Variants in PLK5 observed in about 807,000 individuals in gnomAD.
PLK5 encodes the protein polo like kinase 5 (inactive).
In PLK5, 28 loss-of-function variants were observed where a neutral mutation model predicts 33.7. The ratio of observed to expected loss-of-function variants is 0.83; its 90% CI spans 0.62 to 1.14. The LOEUF (loss-of-function observed/expected upper bound fraction) is 1.14, where lower values mean the gene tolerates loss of function less well. Ranked by LOEUF, PLK5 falls within the 50% of genes most tolerant of loss-of-function variation. The pLI, the probability that PLK5 is intolerant of heterozygous loss-of-function variation, is 0.00. For synonymous variants in PLK5, 225 were observed against 202.2 expected, an observed-to-expected ratio of 1.11 and a Z score of -0.96; for missense variants, 492 against 461.5, an observed-to-expected ratio of 1.07 and a Z score of -0.61.
At position 1,529,842 on chromosome 19, in the gene PLK5, C is replaced by T; in HGVS notation, c.568+18C>T. 6.5e-7 allele frequency: 1 copy of T among 1,533,800 alleles called. No individual in the cohort carries two copies. The highest frequency in any genetic ancestry group is 2.4e-5 in the East Asian group (1 of 40,914). On this transcript the variant is annotated intron_variant, in intron 11 of 13. Coordinates refer to ENST00000454744, the MANE Select transcript of PLK5 (RefSeq NM_001243079.2). ...CCCCCCGGGTAGGAGCCGGCCCAGC[C>T]CCCAGGATCACCTTTACTCTTACTA...
At chr19:1,534,999 G>A (rs1204530891) in intron 13 of PLK5, 66 bp from the exon 14 acceptor site, 4 of 1,369,448 alleles carry the variant, frequency 2.9e-6, no homozygotes, top group East Asian at 5.3e-5. Context: ...TCCTTCTGGA[G>A]CGCCACGGCT....
rs796607459 is a variant in PLK5, at chr19:1,530,381, C to T, written c.568+557C>T. ...GTGCCATCTTGGCTCATCACAACCT[C>T]CACCTCCTGGGTTCAAAGCGATTCT... is the stretch of plus-strand genomic sequence containing the variant. On this transcript the variant is annotated intron_variant, in intron 11 of 13. Transcript: ENST00000454744. Among the ~76,000 whole-genome samples the T allele has an allele frequency of 3.9e-5, 6 of 152,232 alleles. No homozygotes were observed. In the South Asian group the frequency reaches 1.2e-3, roughly 32 times the overall value.
Position 1,535,144 on chromosome 19 carries a change from G to A in PLK5, c.905G>A (p.Gly302Glu), listed in dbSNP as rs1177742018. The change falls in exon 14 of 14, where the codon GGG (glycine) becomes GAG (glutamate). Residue 302 changes from glycine (G) to glutamate (E), a missense_variant. Transcript: ENST00000454744. ...TTGCAGCTCACCCTCTGGGAGCAGGGGTCCCCTGGCACCTCCTACTCCCTG... is the reference window on the plus strand; with the variant it reads ...TTGCAGCTCACCCTCTGGGAGCAGGAGTCCCCTGGCACCTCCTACTCCCTG... ...EGLQLTLWEQGSPGTSYSLDV... is the reference protein window; with the variant it reads ...EGLQLTLWEQESPGTSYSLDV... 3 of 1,535,860 alleles carry A rather than the reference G, an allele frequency of 2.0e-6. No individual in the cohort carries two copies. The highest frequency in any genetic ancestry group is 2.4e-5 in the East Asian group (1 of 40,900).
At chr19:1,533,821 C>T (rs1160223906) in intron 12 of PLK5, 110 bp from the exon 13 acceptor site, 15 of 805,564 alleles carry the variant, frequency 1.9e-5, no homozygotes, top group South Asian at 1.6e-4. Flanking sequence ...AGCTCTTTGC[C>T]GGCTGCCTGC....
At position 1,525,304 on chromosome 19, in the gene PLK5, G is replaced by A. The variant is rs912321974; in HGVS notation, c.-543-1G>A. On this transcript the variant is annotated splice_acceptor_variant, in intron 1 of 13. Transcript: ENST00000454744. LOFTEE classifies it low-confidence loss of function (5UTR_SPLICE). ...ACTGATCTGCTGACCCCTCCCCACA[G>A]GGCGCCTTCAGCCGCTGCTACAAGC... 6.5e-6 allele frequency: 1 copy of A among 152,776 alleles called. No homozygotes were observed. The highest frequency in any genetic ancestry group is 2.4e-5 in the African/African-American group (1 of 41,456). The allele number at this position is 152,776 out of a possible 1,614,324, so 9.5% of individuals were successfully genotyped here.
chr19:1,531,017 G>A (rs889821365), intron 11 of PLK5, among the ~76,000 whole-genome samples: 4 of 151,594 alleles, frequency 2.6e-5, no homozygotes, highest in African/African-American at 7.3e-5. Flanking sequence ...ACTTGAGCTC[G>A]GAGGTGGAGG....
chr19:1,524,743 TTGTG>T lies in PLK5; in HGVS notation c.-544+501_-544+504del, dbSNP rs1400999136. On this transcript the variant is annotated intron_variant, in intron 1 of 13. Transcript: ENST00000454744. The surrounding 1 kb of genome is among the most constrained non-coding windows in gnomAD (Gnocchi z 4.5). ...GTGTTCATGTGGTGTGCTTGTGTGT[TTGTG>T]TGTTCATATGTGGTGTGTCTAGGAG... is the stretch of plus-strand genomic sequence containing the variant. 6.6e-6 allele frequency among the ~76,000 whole-genome samples: 1 copy of T among 150,762 alleles called. No homozygotes were observed. Among genetic ancestry groups the T allele is most frequent in the Non-Finnish European group, 1.5e-5 (1 of 67,720 alleles).
rs1913666737 is a variant in PLK5, at chr19:1,524,199, G to C, written c.-591G>C. 1 of 150,656 alleles carries C rather than the reference G, an allele frequency of 6.6e-6. No individual in the cohort carries two copies. Among genetic ancestry groups the C allele is most frequent in the Non-Finnish European group, 1.5e-5 (1 of 67,442 alleles). 9.3% of individuals were successfully genotyped at this position (150,656 alleles called of 1,614,324 possible). The stretch of plus-strand genomic sequence containing the variant: ...CCCCCTGGTCGCCGCCTTCCTGCGA[G>C]ACCCGGGCTCGGGCCGCGTGTACAG... On this transcript the variant is annotated 5_prime_UTR_variant, in exon 1 of 14. Coordinates refer to ENST00000454744, the MANE Select transcript of PLK5 (RefSeq NM_001243079.2). This position sits in a 1 kb window ranked among gnomAD's most constrained non-coding sequence, Gnocchi z 4.5.
At chr19:1,534,106 T>G in intron 13 of PLK5, 65 bp downstream of exon 13, 1 of 1,288,256 alleles carries the variant, frequency 7.8e-7, no homozygotes, top group South Asian at 1.3e-5. Context: ...CTGCCTGGGC[T>G]GTTACGGAGC....
At position 1,529,751 on chromosome 19, in the gene PLK5, C is replaced by G; in HGVS notation, c.495C>G (p.Pro165=). The change falls in exon 11 of 14, where the codon CCC becomes CCG. Residue 165 remains proline (P), a synonymous_variant. Coordinates refer to ENST00000454744, the MANE Select transcript of PLK5 (RefSeq NM_001243079.2). ...QGTLQSDLAG[P]EGSRRPEVEA... is the part of the protein sequence containing the mutation. ...CACAAAGACCTGTCTTCCCAGGGCC[C>G]GAGGGGAGCCGGCGGCCAGAGGTGG... The G allele has an allele frequency of 1.3e-6, 2 of 1,536,000 alleles. No individual in the cohort carries two copies. The highest frequency in any genetic ancestry group is 1.7e-6 in the Non-Finnish European group (2 of 1,146,840).
rs1335768796 is a variant in PLK5, at chr19:1,524,175, C to T, written c.-615C>T. ...GCCGCGGCGGCGGCGCAGGAGTCGC[C>T]CCCTGGTCGCCGCCTTCCTGCGAGA... On this transcript the variant is annotated 5_prime_UTR_variant, in exon 1 of 14. Transcript: ENST00000454744. The surrounding 1 kb of genome is among the most constrained non-coding windows in gnomAD (Gnocchi z 4.5). 7 of 150,628 alleles carry T rather than the reference C, an allele frequency of 4.6e-5. No individual in the cohort carries two copies. The highest frequency in any genetic ancestry group is 1.0e-4 in the Non-Finnish European group (7 of 67,416). The allele number at this position is 150,628 out of a possible 1,614,324, so 9.3% of individuals were successfully genotyped here.
chr19:1,532,355 A>G (rs969509021), intron 12 of PLK5, among the ~76,000 whole-genome samples: 1 of 152,070 alleles, frequency 6.6e-6, no homozygotes, highest in Admixed American at 6.6e-5. Flanking sequence ...CCTTGGCCTC[A>G]TAGCAAGACC....
intron 13 of PLK5, 115 bp downstream of exon 13, chr19:1,534,156 A>T: frequency 1.2e-5 from 1 of 80,066 alleles, no homozygotes; most frequent in Admixed American, 2.6e-4. Flanking sequence ...GCCTCCCAGG[A>T]AAAAAAAAAA....
rs1234823906 is a variant in PLK5 at position 1,529,494 on chromosome 19, A to G, written c.490+4A>G. The stretch of plus-strand genomic sequence containing the variant: ...ACCCTGCAGAGTGACCTGGCCGGTG[A>G]GCAGATCCCCGTCCCAGCCCGGGGC... On this transcript the variant is annotated splice_donor_region_variant and intron_variant, in intron 10 of 13. Transcript: ENST00000454744. 12 of 1,535,016 alleles carry G rather than the reference A, an allele frequency of 7.8e-6. No individual in the cohort carries two copies. Among genetic ancestry groups the G allele is most frequent in the Non-Finnish European group, 9.6e-6 (11 of 1,146,124 alleles).
chr19:1,532,634 T>C (rs1475096913), intron 12 of PLK5, among the ~76,000 whole-genome samples: 1 of 151,090 alleles, frequency 6.6e-6, no homozygotes, highest in Non-Finnish European at 1.5e-5. Context: ...ACCATTCTCC[T>C]GCCTCAGCCT....
Position 1,524,469 on chromosome 19 carries a change from G to A in PLK5, c.-544+223G>A, listed in dbSNP as rs1251040885. ...CGTGTCCGTGGGTTGCGTGTCCGGG[G>A]TGTGGGCGTGCGGCTCGGCCTCGGG... On this transcript the variant is annotated intron_variant, in intron 1 of 13. Coordinates refer to ENST00000454744, the MANE Select transcript of PLK5 (RefSeq NM_001243079.2). This position sits in a 1 kb window ranked among gnomAD's most constrained non-coding sequence, Gnocchi z 4.5. Among the ~76,000 whole-genome samples, 3 of 150,968 alleles carry A rather than the reference G, an allele frequency of 2.0e-5. No individual in the cohort carries two copies. Among genetic ancestry groups the A allele is most frequent in the Non-Finnish European group, 3.0e-5 (2 of 67,202 alleles).
Position 1,528,441 on chromosome 19 carries a change from C to T in PLK5, c.328+13C>T, listed in dbSNP as rs760968808. 1 of 1,526,664 alleles carries T rather than the reference C, an allele frequency of 6.6e-7. No individual in the cohort carries two copies. Among genetic ancestry groups the T allele is most frequent in the South Asian group, 1.2e-5 (1 of 83,026 alleles). 94.6% of individuals were successfully genotyped at this position (1,526,664 alleles called of 1,614,324 possible). ...TGCCGGCCACCCTGTAAGTACCACCCCCGCCCACACCTGCCCAACACCTGC... is the reference window on the plus strand; with the variant it reads ...TGCCGGCCACCCTGTAAGTACCACCTCCGCCCACACCTGCCCAACACCTGC... On this transcript the variant is annotated intron_variant, in intron 8 of 13. Coordinates refer to ENST00000454744, the MANE Select transcript of PLK5 (RefSeq NM_001243079.2).
At chr19:1,528,198 C>T in intron 7 of PLK5, 64 bp downstream of exon 7, 1 of 1,512,238 alleles carries the variant, frequency 6.6e-7, no homozygotes, top group South Asian at 1.2e-5. Context: ...TGAGCCAGAG[C>T]CTGCCCTGCT....
rs1245221284 is a variant in PLK5 at position 1,528,030 on chromosome 19, C to T, written c.97C>T (p.His33Tyr). 3.3e-6 allele frequency: 5 copies of T among 1,536,158 alleles called. No homozygotes were observed. Among genetic ancestry groups the T allele is most frequent in the East Asian group, 2.4e-5 (1 of 40,926 alleles). Reference protein sequence around the residue: ...IREGHYPEPAHLSANARRLIV... With the variant: ...IREGHYPEPAYLSANARRLIV... The stretch of plus-strand genomic sequence containing the variant: ...TGAGGGCCACTACCCCGAACCCGCT[C>T]ACCTGTCTGCCAATGCGCGCCGCCT... Residue 33 changes from histidine (H) to tyrosine (Y), a missense_variant, in exon 7 of 14, where the codon CAC (histidine) becomes TAC (tyrosine). Transcript: ENST00000454744.
Sources: allele counts gnomAD v4.1 joint callset (sites outside exome capture counted in the v4.1 genomes callset), GRCh38; gene constraint gnomAD v4.1.1; non-coding constraint Gnocchi (gnomAD v3.1); transcripts MANE v1.5; gene names NCBI Gene and HGNC (gene_info 2026-07-23, HGNC 2026-07-21).